The following NOTCH1 variants were observed in gnomAD, a reference collection of about 807,000 sequenced individuals.
The protein encoded by NOTCH1 is notch receptor 1, also known as neurogenic locus notch homolog protein 1.
A neutral mutation model predicts 254.8 loss-of-function variants in NOTCH1; 37 were observed. That is an observed-to-expected ratio of 0.15 (90% CI 0.11 to 0.19). The LOEUF is 0.19. Among genes scored for constraint, NOTCH1 ranks in the 10% least tolerant of loss-of-function variants. The pLI, the probability that NOTCH1 is intolerant of heterozygous loss-of-function variation, is 1.00. For synonymous variants in NOTCH1, 1,731 were observed against 1,618.1 expected, an observed-to-expected ratio of 1.07 and a Z score of -1.68; for missense variants, 2,972 against 3,708.6, an observed-to-expected ratio of 0.80 and a Z score of 5.16.
chr9:136,531,265 G>C (rs7021773), intron 2 of NOTCH1, among the ~76,000 whole-genome samples: 1 of 152,236 alleles, frequency 6.6e-6, no homozygotes, highest in African/African-American at 2.4e-5. Flanking sequence ...CGTGTAATGG[G>C]CCCATTTCAC....
At position 136,530,139 on chromosome 9, in the gene NOTCH1, G is replaced by A. The variant is rs375676909; in HGVS notation, c.141-6160C>T. Among the ~76,000 whole-genome samples the A allele has an allele frequency of 2.7e-3, 412 of 152,342 alleles. 3 individuals carry two copies. Among genetic ancestry groups the A allele is most frequent in the African/African-American group, 8.9e-3 (372 of 41,590 alleles). ...AGCAGGGGGCGGAGTTGGGTGGGGC[G>A]GGGGTCGCGGCCGGCCCGCCACAGC... On this transcript the variant is annotated intron_variant, in intron 2 of 33. Coordinates refer to ENST00000651671, the MANE Select transcript of NOTCH1 (RefSeq NM_017617.5).
Position 136,495,981 on chromosome 9 carries a change from G to A in NOTCH1, c.*90C>T, listed in dbSNP as rs1305697039. 15 of 1,360,522 alleles carry A rather than the reference G, an allele frequency of 1.1e-5. No homozygotes were observed. The highest frequency in any genetic ancestry group is 4.7e-5 in the Admixed American group (2 of 42,742). 84.3% of individuals were successfully genotyped at this position (1,360,522 alleles called of 1,614,324 possible). A position where few individuals can be genotyped will look rare whatever the true frequency, so the allele number is the denominator to read the frequency against. ...TGTATAAAAACATGTGTTTTAAAAA[G>A]GCTCCTCTGGTCGGCCCTGGCATCC... is the stretch of plus-strand genomic sequence containing the variant. On this transcript the variant is annotated 3_prime_UTR_variant, in exon 34 of 34. Coordinates refer to ENST00000651671, the MANE Select transcript of NOTCH1 (RefSeq NM_017617.5).
chr9:136,537,697 G>A (rs1337505206), intron 2 of NOTCH1, among the ~76,000 whole-genome samples: 1 of 152,184 alleles, frequency 6.6e-6, no homozygotes, highest in African/African-American at 2.4e-5. Flanking sequence ...TCTGGAGGCG[G>A]AGGCAGGAGG....
rs11145767 is a variant in NOTCH1, at chr9:136,517,262, T to C, written c.1555+10A>G. 0.38 allele frequency: 583,559 copies of C among 1,555,990 alleles called. 122,663 individuals carry two copies. The highest frequency in any genetic ancestry group is 0.86 in the East Asian group (37,233 of 43,168). The stretch of plus-strand genomic sequence containing the variant: ...ACGACCCGGGGGCAGGGGGCGGGGG[T>C]GGCCCTCACCCGTGGGGCACTCGCA... On this transcript the variant is annotated intron_variant, in intron 9 of 33. Coordinates refer to ENST00000651671, the MANE Select transcript of NOTCH1 (RefSeq NM_017617.5).
intron 2 of NOTCH1, among the ~76,000 whole-genome samples, chr9:136,541,330 T>G (rs566834091): frequency 3.9e-5 from 6 of 152,320 alleles, no homozygotes; most frequent in African/African-American, 1.4e-4. Flanking sequence ...GTTCCTTCTC[T>G]TTGGGATGGA....
At chr9:136,532,647 C>A (rs560811816) in intron 2 of NOTCH1, among the ~76,000 whole-genome samples, 1 of 152,198 alleles carries the variant, frequency 6.6e-6, no homozygotes, top group Non-Finnish European at 1.5e-5. Flanking sequence ...CAACAATTCG[C>A]GGCAGTCGCC....
intron 33 of NOTCH1, 121 bp downstream of exon 33, chr9:136,498,778 C>T: frequency 8.4e-7 from 1 of 1,188,338 alleles, no homozygotes; most frequent in Non-Finnish European, 1.2e-6. Flanking sequence ...ACATGCGGGC[C>T]CAGCGACCCT....
rs1843228933 is a variant in NOTCH1, at chr9:136,514,377, G to A, written c.2207+133C>T. The A allele has an allele frequency of 5.2e-6, 5 of 958,834 alleles. No individual in the cohort carries two copies. In the Admixed American group the frequency reaches 1.0e-4, roughly 19 times the overall value. 59.4% of individuals were successfully genotyped at this position (958,834 alleles called of 1,614,324 possible). A position where few individuals can be genotyped will look rare whatever the true frequency, so the allele number is the denominator to read the frequency against. ...AGAGGCATGTGCGTCCCCGAGGGGA[G>A]CTCCCTGCCACCCAGCCCCGTCCGA... On this transcript the variant is annotated intron_variant, in intron 13 of 33. Coordinates refer to ENST00000651671, the MANE Select transcript of NOTCH1 (RefSeq NM_017617.5).
chr9:136,503,231 G>C lies in NOTCH1; in HGVS notation c.5118C>G (p.Leu1706=), dbSNP rs747037396. The change falls in exon 27 of 34, where the codon CTC becomes CTG. Residue 1706 remains leucine, a synonymous_variant. Transcript: ENST00000651671. ...GGATGTTGAGGCTGCCCAGCGAGGC[G>C]AGCGCTCCCAGGAATGCGGCCACGT... ...ATDVAAFLGA[L]ASLGSLNIPY... The C allele has an allele frequency of 6.2e-7, 1 of 1,612,834 alleles. No individual in the cohort carries two copies.
intron 22 of NOTCH1, 26 bp downstream of exon 22, chr9:136,507,279 C>T (rs772762489): frequency 6.2e-7 from 1 of 1,612,726 alleles, no homozygotes; most frequent in South Asian, 1.1e-5. Context: ...ATGGCCAACA[C>T]CAGCCCTCCG....
chr9:136,501,260 C>T (rs1842990509), intron 30 of NOTCH1, among the ~76,000 whole-genome samples: 1 of 151,942 alleles, frequency 6.6e-6, no homozygotes. Flanking sequence ...ATGGTGAAAC[C>T]CCATCGCTGC....
In NOTCH1 at chr9:136,519,314, G is replaced by A. The variant is rs554958466; in HGVS notation, c.865+129C>T. ...GGGCCCCCATCATGTTGTCCTTCTC[G>A]GCCAACCCTAGTCTGCCTGGCCTGG... On this transcript the variant is annotated intron_variant, in intron 5 of 33. Coordinates refer to ENST00000651671, the MANE Select transcript of NOTCH1 (RefSeq NM_017617.5). 58 of 1,371,594 alleles carry A rather than the reference G, an allele frequency of 4.2e-5. No homozygotes were observed. In the African/African-American group the frequency reaches 6.5e-4, roughly 15 times the overall value. 85.0% of individuals were successfully genotyped at this position (1,371,594 alleles called of 1,614,324 possible).
chr9:136,527,801 C>T (rs1843489161), intron 2 of NOTCH1, among the ~76,000 whole-genome samples: 1 of 152,166 alleles, frequency 6.6e-6, no homozygotes, highest in Non-Finnish European at 1.5e-5. Context: ...TCTGGGCCCC[C>T]CGCAGGTGAG....
intron 30 of NOTCH1, 152 bp from the exon 31 acceptor site, chr9:136,500,999 G>A: frequency 2.3e-6 from 2 of 876,006 alleles, no homozygotes; most frequent in Non-Finnish European, 3.4e-6. Context: ...CCAAGGGGCA[G>A]CTGAAGTCCG....
At chr9:136,526,870 C>T (rs1043039596) in intron 2 of NOTCH1, among the ~76,000 whole-genome samples, 1 of 152,176 alleles carries the variant, frequency 6.6e-6, no homozygotes, top group South Asian at 2.1e-4. Flanking sequence ...CTGCTCCCAG[C>T]GGGTGGGGCA....
chr9:136,525,001 G>C (rs1366085655), intron 2 of NOTCH1, among the ~76,000 whole-genome samples: 3 of 152,210 alleles, frequency 2.0e-5, no homozygotes, highest in Admixed American at 6.5e-5. Flanking sequence ...CTCATGTCAA[G>C]ATCGCACTGG....
At position 136,540,571 on chromosome 9, in the gene NOTCH1, A is replaced by G. The variant is rs1423800798; in HGVS notation, c.140+3453T>C. The stretch of plus-strand genomic sequence containing the variant: ...AGCGCTGACCAGGTGCCCTCTCCAC[A>G]CGGTTCTCATGCAATCCTCACACAC... On this transcript the variant is annotated intron_variant, in intron 2 of 33. Transcript: ENST00000651671. This position sits in a 1 kb window ranked among gnomAD's most constrained non-coding sequence, Gnocchi z 4.4. Among the ~76,000 whole-genome samples, 1 of 152,146 alleles carries G rather than the reference A, an allele frequency of 6.6e-6. No homozygotes were observed. Among genetic ancestry groups the G allele is most frequent in the Non-Finnish European group, 1.5e-5 (1 of 68,024 alleles).
Position 136,507,365 on chromosome 9 carries a change from C to T in NOTCH1, c.3583G>A (p.Gly1195Arg), listed in dbSNP as rs777194812. The T allele has an allele frequency of 1.1e-5, 17 of 1,612,648 alleles. No homozygotes were observed. The highest frequency in any genetic ancestry group is 3.3e-4 in the Middle Eastern group (2 of 6,082). ...TTGGGGAGGTCGAGGCAGGTGCCCC[C>T]GTTCTGGCAGGGGTGGGAGAGGCAC... ...DECLSHPCQN[G>R]GTCLDLPNTY... The change falls in exon 22 of 34, where the codon GGG becomes AGG. Residue 1195 changes from glycine to arginine, a missense_variant. By Grantham distance (125) the Gly-to-Arg change is moderately radical. Transcript: ENST00000651671.
intron 1 of NOTCH1, 142 bp from the exon 2 acceptor site, chr9:136,544,244 T>C (rs1469263926): frequency 1.3e-6 from 1 of 784,456 alleles, no homozygotes; most frequent in Non-Finnish European, 2.2e-6. Flanking sequence ...CTCAGTATCA[T>C]GGGTTGCTGG....
Sources: allele counts gnomAD v4.1 joint callset (sites outside exome capture counted in the v4.1 genomes callset), GRCh38; gene constraint gnomAD v4.1.1; non-coding constraint Gnocchi (gnomAD v3.1); transcripts MANE v1.5; gene names NCBI Gene and HGNC (gene_info 2026-07-23, HGNC 2026-07-21).